Variants in PARD3B observed in about 807,000 individuals in gnomAD.
The protein encoded by PARD3B is par-3 family cell polarity regulator beta.
A neutral mutation model predicts 130.2 loss-of-function variants in PARD3B; 103 were observed. The observed-to-expected ratio is 0.79, with a 90% CI of 0.67 to 0.93. The LOEUF (loss-of-function observed/expected upper bound fraction) is 0.93, where lower values mean the gene tolerates loss of function less well. PARD3B is among the 40% of genes least tolerant of loss of function. The probability of loss-of-function intolerance (pLI) is 0.00; values close to 1 mark genes in which losing one functional copy is unlikely to be tolerated. For synonymous variants in PARD3B, 583 were observed against 553.2 expected (o/e 1.05, Z -0.76); for missense variants, 1,609 against 1,499.2 (o/e 1.07, Z -1.21).
chr2:204,782,720 T>A (rs112650719), intron 2 of PARD3B, among the ~76,000 whole-genome samples: 2,556 of 152,068 alleles, frequency 0.017, 65 homozygotes, highest in African/African-American at 0.057. Context: ...TATATTTTTG[T>A]AAAAATGTAT....
At chr2:205,004,834 C>T (rs1350715013) in intron 3 of PARD3B, among the ~76,000 whole-genome samples, 2 of 152,138 alleles carry the variant, frequency 1.3e-5, no homozygotes, top group Non-Finnish European at 2.9e-5. Flanking sequence ...CTGATGTGCT[C>T]TCAAGATTCT....
At chr2:205,342,517 A>G (rs17201041) in intron 18 of PARD3B, among the ~76,000 whole-genome samples, 90,391 of 152,022 alleles carry the variant, frequency 0.59, 30,557 homozygotes, top group South Asian at 0.77. Flanking sequence ...TTATAGGCTG[A>G]TGAAAAGCTT....
chr2:204,796,120 GATATA>G (rs747624752), intron 2 of PARD3B, among the ~76,000 whole-genome samples: 33 of 152,282 alleles, frequency 2.2e-4, no homozygotes, highest in Non-Finnish European at 3.8e-4. Flanking sequence ...CAATATTTGT[GATATA>G]ATATATGCCG....
chr2:204,997,536 G>A (rs983254870), intron 3 of PARD3B, among the ~76,000 whole-genome samples: 1 of 152,068 alleles, frequency 6.6e-6, no homozygotes, highest in Non-Finnish European at 1.5e-5. Flanking sequence ...TTTTGTTTCT[G>A]TTTGTCACTG....
chr2:204,646,252 A>G (rs1303789486), intron 1 of PARD3B, among the ~76,000 whole-genome samples: 1 of 152,046 alleles, frequency 6.6e-6, no homozygotes, highest in Non-Finnish European at 1.5e-5. Flanking sequence ...CACTGCTGAA[A>G]CACTTTTCCC....
At chr2:205,231,251 C>T (rs902134572) in intron 15 of PARD3B, among the ~76,000 whole-genome samples, 3 of 151,468 alleles carry the variant, frequency 2.0e-5, no homozygotes, top group East Asian at 1.9e-4. Flanking sequence ...CTTAAGTGGT[C>T]TTAGGGCCAT....
In PARD3B at chr2:205,241,070, T is replaced by C. The variant is rs554621379; in HGVS notation, c.2141-4708T>C. On this transcript the variant is annotated intron_variant, in intron 15 of 22. Transcript: ENST00000406610. The surrounding 1 kb of genome is among the most constrained non-coding windows in gnomAD (Gnocchi z 4.2). ...AAAGACACAGACTGTTTATTTATGC[T>C]TTTTAAAAAGATGCCATTGATGCTG... 6.6e-6 allele frequency among the ~76,000 whole-genome samples: 1 copy of C among 152,288 alleles called. No individual in the cohort carries two copies. The highest frequency in any genetic ancestry group is 1.9e-4 in the East Asian group (1 of 5,180).
intron 22 of PARD3B, among the ~76,000 whole-genome samples, chr2:205,579,446 T>G (rs1422663205): frequency 1.3e-5 from 2 of 152,176 alleles, no homozygotes; most frequent in Admixed American, 6.5e-5. Context: ...AAGGGGTGTC[T>G]GTGCCGACAG....
intron 21 of PARD3B, among the ~76,000 whole-genome samples, chr2:205,544,861 G>C (rs758464375): frequency 1.3e-5 from 2 of 152,316 alleles, no homozygotes; most frequent in African/African-American, 2.4e-5. Context: ...AATGTGCACA[G>C]GTTAGAAGGG....
chr2:205,365,200 CAA>C (rs34761577), intron 18 of PARD3B, among the ~76,000 whole-genome samples: 4 of 127,792 alleles, frequency 3.1e-5, no homozygotes. Flanking sequence ...AACTCCGTGT[CAA>C]AAAAAAAAAA....
At chr2:205,416,086 A>G (rs1574965123) in intron 19 of PARD3B, among the ~76,000 whole-genome samples, 1 of 152,082 alleles carries the variant, frequency 6.6e-6, no homozygotes, top group Non-Finnish European at 1.5e-5. Flanking sequence ...AGCATAGACT[A>G]GCTGAGGAGT....
chr2:205,161,031 A>C (rs2034475946), intron 11 of PARD3B, among the ~76,000 whole-genome samples: 1 of 152,198 alleles, frequency 6.6e-6, no homozygotes, highest in African/African-American at 2.4e-5. Context: ...GTTCTTGGTC[A>C]TGTTTGTGGA....
At chr2:205,559,421 T>C (rs139802497) in intron 22 of PARD3B, among the ~76,000 whole-genome samples, 1 of 151,752 alleles carries the variant, frequency 6.6e-6, no homozygotes, top group East Asian at 2.0e-4. Context: ...GCCGGGATTA[T>C]AGGCATGAGC....
intron 15 of PARD3B, among the ~76,000 whole-genome samples, chr2:205,237,266 A>AT (rs1481143806): frequency 1.3e-5 from 2 of 151,934 alleles, no homozygotes; most frequent in South Asian, 2.1e-4. Context: ...CGCCAGGCTA[A>AT]TTTTTTTATA....
chr2:204,592,437 T>G (rs368946715), intron 1 of PARD3B, among the ~76,000 whole-genome samples: 4 of 152,232 alleles, frequency 2.6e-5, no homozygotes, highest in African/African-American at 9.6e-5. Context: ...TTCTGTTGTT[T>G]TAATAACAAT....
Position 205,352,505 on chromosome 2 carries a change from G to A in PARD3B, c.2631-48508G>A, listed in dbSNP as rs73982888. Among the ~76,000 whole-genome samples, 4,663 of 152,164 alleles carry A rather than the reference G, an allele frequency of 0.031. 232 individuals carry two copies. The highest frequency in any genetic ancestry group is 0.11 in the African/African-American group (4,388 of 41,498). On this transcript the variant is annotated intron_variant, in intron 18 of 22. Transcript: ENST00000406610. The surrounding 1 kb of genome is among the most constrained non-coding windows in gnomAD (Gnocchi z 5.2). ...TGTTTAGTTATCTGGGATTTCATTC[G>A]GTTGATTAATACCTATAGGAGAAGA... is the stretch of plus-strand genomic sequence containing the variant.
intron 2 of PARD3B, among the ~76,000 whole-genome samples, chr2:204,807,514 A>G (rs2042812145): frequency 6.6e-6 from 1 of 152,144 alleles, no homozygotes; most frequent in Admixed American, 6.6e-5. Flanking sequence ...AAGAAAATGA[A>G]ATCAGAATGT....
intron 6 of PARD3B, among the ~76,000 whole-genome samples, chr2:205,114,778 T>A (rs1257508555): frequency 6.6e-6 from 1 of 150,784 alleles, no homozygotes; most frequent in East Asian, 1.9e-4. Context: ...GCAAATAACA[T>A]CTGATGCCAA....
rs1167513547 is a variant in PARD3B, at chr2:204,965,211, C to A, written c.282C>A (p.Asn94Lys). The change falls in exon 3 of 23, where the codon AAC becomes AAA. Residue 94 changes from asparagine to lysine, a missense_variant. Asn to Lys is a moderately conservative substitution (Grantham distance 94, BLOSUM62 0). Coordinates refer to ENST00000406610, the MANE Select transcript of PARD3B (RefSeq NM_001302769.2). ...ACAAGATTGAGAGCCCCAGTGGAAA[C>A]CCTGCAGATCGGCAGAGCCCAGATG... ...PLHKIESPSG[N>K]PADRQSPDAF... The A allele has an allele frequency of 1.9e-6, 3 of 1,613,804 alleles. No individual in the cohort carries two copies. Among genetic ancestry groups the A allele is most frequent in the Admixed American group, 1.7e-5 (1 of 59,946 alleles).
Sources: gnomAD v4.1 joint callset for allele counts (sites outside exome capture counted in the v4.1 genomes callset) on GRCh38, gnomAD v4.1.1 for gene constraint, Gnocchi (gnomAD v3.1) non-coding constraint, MANE v1.5 for transcripts, NCBI Gene and HGNC (gene_info 2026-07-23, HGNC 2026-07-21) for gene names.